SKOR1: variants seen among roughly 807,000 people sequenced by gnomAD.
The protein encoded by SKOR1 is LBX1 corepressor 1.
Under a neutral mutation model 72.4 loss-of-function variants are expected in SKOR1, and 38 were observed. That is an observed-to-expected ratio of 0.52 (90% CI 0.40 to 0.69). SKOR1 has a LOEUF of 0.69. Ranked by LOEUF, SKOR1 falls within the 30% of genes least tolerant of loss-of-function variation. The pLI, the probability that SKOR1 is intolerant of heterozygous loss-of-function variation, is 0.00. For missense variants in SKOR1, 1,320 were observed against 1,343.2 expected, an observed-to-expected ratio of 0.98 and a Z score of 0.27; for synonymous variants, 642 against 599.4, an observed-to-expected ratio of 1.07 and a Z score of -1.04.
Position 67,833,965 on chromosome 15 carries a change from C to T in SKOR1, c.*129C>T. On this transcript the variant is annotated 3_prime_UTR_variant, in exon 9 of 9. Coordinates refer to ENST00000380035, the MANE Select transcript of SKOR1 (RefSeq NM_001365915.1). The surrounding 1 kb of genome is among the most constrained non-coding windows in gnomAD (Gnocchi z 6.0). ...GATGTAAATACAGCCGCCCGTCCGCCCGCCTTCCTCCCGGGCTCCCCGGCC... is the reference window on the plus strand; with the variant it reads ...GATGTAAATACAGCCGCCCGTCCGCTCGCCTTCCTCCCGGGCTCCCCGGCC... The T allele has an allele frequency of 1.2e-5, 12 of 1,025,930 alleles. No homozygotes were observed. Among genetic ancestry groups the T allele is most frequent in the Non-Finnish European group, 1.8e-5 (12 of 680,704 alleles). 63.6% of individuals were successfully genotyped at this position (1,025,930 alleles called of 1,614,324 possible).
In SKOR1 at chr15:67,826,452, C is replaced by T. The variant is rs1566975534; in HGVS notation, c.624C>T (p.Ile208=). ...ACAACAGCTCTCGTGCCAAGTGCAT[C>T]AAGTGCGGCTACTGCAGCATGTACT... ...ARYNSSRAKC[I]KCGYCSMYFS... Residue 208 remains isoleucine (I), a synonymous_variant, in exon 2 of 9, where the codon ATC becomes ATT. Transcript: ENST00000380035. 1 of 1,614,154 alleles carries T rather than the reference C, an allele frequency of 6.2e-7. No individual in the cohort carries two copies. The highest frequency in any genetic ancestry group is 2.2e-5 in the East Asian group (1 of 44,884).
rs747459363 is a variant in SKOR1 at position 67,827,719 on chromosome 15, G to T, written c.1891G>T (p.Gly631Cys). Residue 631 changes from glycine (G) to cysteine (C), a missense_variant, in exon 2 of 9, where the codon GGC (glycine) becomes TGC (cysteine). Gly to Cys is a radical substitution (Grantham distance 159). Around this residue, in one of 3 missense-constraint regions of SKOR1, gnomAD observed 1,099 missense variants for 1,025.5 expected, o/e 1.07. Coordinates refer to ENST00000380035, the MANE Select transcript of SKOR1 (RefSeq NM_001365915.1). ...GGGGCCGGGACCCGGCGCTGGGAGC[G>T]GCGGCTACGTGAGCCCGGACTTTCT... ...ARGPGPGAGS[G>C]GYVSPDFLSE... 3 of 1,543,240 alleles carry T rather than the reference G, an allele frequency of 1.9e-6. No homozygotes were observed. Among genetic ancestry groups the T allele is most frequent in the Non-Finnish European group, 2.6e-6 (3 of 1,143,682 alleles).
chr15:67,829,087 G>C (rs927793672), intron 2 of SKOR1, 92 bp from the exon 3 acceptor site: 10 of 1,211,024 alleles, frequency 8.3e-6, no homozygotes, highest in Non-Finnish European at 1.1e-5. Flanking sequence ...CCACTCCGTC[G>C]GCTTTCCCTC....
In SKOR1 at chr15:67,826,026, C is replaced by A; in HGVS notation, c.198C>A (p.Tyr66Ter). The change falls in exon 2 of 9, where the codon TAC (tyrosine) becomes TAA (stop). Residue 66 changes from tyrosine (Y) to a stop codon, truncating the protein, a stop_gained. Coordinates refer to ENST00000380035, the MANE Select transcript of SKOR1 (RefSeq NM_001365915.1). LOFTEE classifies it high-confidence loss of function. ...ACTCCAAGCAGGAGCTGCAGCCGTA[C>A]TCGGGCTCCAGCGCTCTCAAACCCA... ...SPNSKQELQP[Y>*]SGSSALKPNQ... 6.4e-7 allele frequency: 1 copy of A among 1,565,160 alleles called. No individual in the cohort carries two copies. The highest frequency in any genetic ancestry group is 8.7e-7 in the Non-Finnish European group (1 of 1,151,826).
In SKOR1 at chr15:67,825,801, G is replaced by A; in HGVS notation, c.107+92G>A. 2 of 1,501,184 alleles carry A rather than the reference G, an allele frequency of 1.3e-6. No homozygotes were observed. The highest frequency in any genetic ancestry group is 3.7e-5 in the Admixed American group (2 of 53,458). 93.0% of individuals were successfully genotyped at this position (1,501,184 alleles called of 1,614,324 possible). On this transcript the variant is annotated intron_variant, in intron 1 of 8. Coordinates refer to ENST00000380035, the MANE Select transcript of SKOR1 (RefSeq NM_001365915.1). The surrounding 1 kb of genome is among the most constrained non-coding windows in gnomAD (Gnocchi z 5.6). ...GAGTAACAAAAGACGCCTGTCCAGG[G>A]GGTGAATGAGTTTGGACTCCCCACT...
In SKOR1 at chr15:67,833,171, GCCCCTCC is replaced by G. The variant is rs1313466658; in HGVS notation, c.2738-18_2738-12del. The G allele has an allele frequency of 1.2e-6, 2 of 1,613,872 alleles. No homozygotes were observed. Among genetic ancestry groups the G allele is most frequent in the South Asian group, 2.2e-5 (2 of 91,056 alleles). ...GAGGGTGGTCTGCGTTTCCTCACTG[GCCCCTCC>G]CCTTGTCTTCCAGATACCCTGTGTA... On this transcript the variant is annotated splice_polypyrimidine_tract_variant and intron_variant, in intron 7 of 8. Coordinates refer to ENST00000380035, the MANE Select transcript of SKOR1 (RefSeq NM_001365915.1). The surrounding 1 kb of genome is among the most constrained non-coding windows in gnomAD (Gnocchi z 6.0).
intron 2 of SKOR1, 94 bp downstream of exon 2, chr15:67,828,238 C>G: frequency 2.9e-6 from 4 of 1,357,406 alleles, no homozygotes; most frequent in Non-Finnish European, 2.8e-6. Context: ...AATTTTGTTC[C>G]GCGCAGGCGT....
rs1212802732 is a variant in SKOR1 at position 67,828,173 on chromosome 15, C to T, written c.2316+29C>T. 2.9e-5 allele frequency: 41 copies of T among 1,417,726 alleles called. No individual in the cohort carries two copies. The East Asian group carries it at 1.1e-3, about 40-fold the overall frequency. 87.8% of individuals were successfully genotyped at this position (1,417,726 alleles called of 1,614,324 possible). On this transcript the variant is annotated intron_variant, in intron 2 of 8. Coordinates refer to ENST00000380035, the MANE Select transcript of SKOR1 (RefSeq NM_001365915.1). The stretch of plus-strand genomic sequence containing the variant: ...AGCCCCGCGCCCGCCCCGCCAGTGG[C>T]GCCTTCCCACCTACCCTGTGCGCGG...
intron 4 of SKOR1, 102 bp downstream of exon 4, chr15:67,830,400 G>A (rs916706221): frequency 6.3e-6 from 6 of 954,852 alleles, no homozygotes; most frequent in Non-Finnish European, 9.7e-6. Flanking sequence ...TTAATCAAGT[G>A]TAAGCGGCTG....
intron 5 of SKOR1, among the ~76,000 whole-genome samples, chr15:67,831,230 G>A (rs2091006022): frequency 6.6e-6 from 1 of 152,218 alleles, no homozygotes; most frequent in East Asian, 1.9e-4. Context: ...CAATCAGACA[G>A]GACAGTCTGG....
rs767694741 is a variant in SKOR1, at chr15:67,830,304, C to A, written c.2515+6C>A. On this transcript the variant is annotated splice_donor_region_variant and intron_variant, in intron 4 of 8. Coordinates refer to ENST00000380035, the MANE Select transcript of SKOR1 (RefSeq NM_001365915.1). ...TCCTGCAAATACAGACAGAGGTGAG[C>A]CAGCCCTTGAACCCATCGCTCTCCA... is the stretch of plus-strand genomic sequence containing the variant. The A allele has an allele frequency of 1.2e-6, 2 of 1,613,322 alleles. No individual in the cohort carries two copies. The highest frequency in any genetic ancestry group is 1.7e-6 in the Non-Finnish European group (2 of 1,179,324).
chr15:67,827,473 G>A lies in SKOR1; in HGVS notation c.1645G>A (p.Ala549Thr), dbSNP rs1193478652. 1 of 1,521,050 alleles carries A rather than the reference G, an allele frequency of 6.6e-7. No homozygotes were observed. The highest frequency in any genetic ancestry group is 1.2e-5 in the South Asian group (1 of 82,770). The allele number at this position is 1,521,050 out of a possible 1,614,324, so 94.2% of individuals were successfully genotyped here. ...GCCAGCCAAAGAGAGTGGCCTCGGC[G>A]CGGAGGAGCGCTGCCCGAGCGCTCT... ...AEPAKESGLG[A>T]EERCPSALSR... Residue 549 changes from alanine to threonine, a missense_variant, in exon 2 of 9, where the codon GCG becomes ACG. Transcript: ENST00000380035.
chr15:67,830,257 A>C lies in SKOR1; in HGVS notation c.2474A>C (p.Gln825Pro), dbSNP rs1347687499. 1 of 1,614,050 alleles carries C rather than the reference A, an allele frequency of 6.2e-7. No individual in the cohort carries two copies. The highest frequency in any genetic ancestry group is 1.3e-5 in the African/African-American group (1 of 74,940). ...DLETRKSYPD[Q>P]RSISQPSPAN... ...GAAACGAGGAAATCCTATCCAGACC[A>C]AAGGAGTATCTCCCAGCCAAGTCCT... The change falls in exon 4 of 9, where the codon CAA becomes CCA. Residue 825 changes from glutamine to proline, a missense_variant. Around this residue, in one of 3 missense-constraint regions of SKOR1, gnomAD observed 1,099 missense variants for 1,025.5 expected, o/e 1.07. Transcript: ENST00000380035.
At position 67,833,642 on chromosome 15, in the gene SKOR1, C is replaced by T. The variant is rs1446403268; in HGVS notation, c.2804-100C>T. 3 of 1,257,798 alleles carry T rather than the reference C, an allele frequency of 2.4e-6. No homozygotes were observed. Among genetic ancestry groups the T allele is most frequent in the African/African-American group, 2.9e-5 (2 of 68,074 alleles). The allele number at this position is 1,257,798 out of a possible 1,614,324, so 77.9% of individuals were successfully genotyped here. A position where few individuals can be genotyped will look rare whatever the true frequency, so the allele number is the denominator to read the frequency against. On this transcript the variant is annotated intron_variant, in intron 8 of 8. Transcript: ENST00000380035. This position sits in a 1 kb window ranked among gnomAD's most constrained non-coding sequence, Gnocchi z 6.0. ...GATCCGCTCGGTTGAGATTCCCTGA[C>T]CCCAAAGGGTTGGTAAGGCCGGGGA...
At position 67,833,972 on chromosome 15, in the gene SKOR1, C is replaced by A; in HGVS notation, c.*136C>A. 2.0e-6 allele frequency: 2 copies of A among 983,580 alleles called. No individual in the cohort carries two copies. Among genetic ancestry groups the A allele is most frequent in the Non-Finnish European group, 3.1e-6 (2 of 644,198 alleles). 60.9% of individuals were successfully genotyped at this position (983,580 alleles called of 1,614,324 possible). A position where few individuals can be genotyped will look rare whatever the true frequency, so the allele number is the denominator to read the frequency against. ...ATACAGCCGCCCGTCCGCCCGCCTT[C>A]CTCCCGGGCTCCCCGGCCTTGCCCG... On this transcript the variant is annotated 3_prime_UTR_variant, in exon 9 of 9. Transcript: ENST00000380035. This position sits in a 1 kb window ranked among gnomAD's most constrained non-coding sequence, Gnocchi z 6.0.
intron 3 of SKOR1, among the ~76,000 whole-genome samples, chr15:67,829,858 C>T (rs975754283): frequency 2.0e-5 from 3 of 152,244 alleles, no homozygotes. Context: ...CAGCAGGAGT[C>T]GGGCGGACAG....
intron 5 of SKOR1, 90 bp downstream of exon 5, chr15:67,830,979 T>A (rs1056778636): frequency 5.1e-6 from 7 of 1,359,400 alleles, no homozygotes; most frequent in Non-Finnish European, 7.4e-6. Context: ...AGGGGGTGAG[T>A]GTGGAAAAGA....
rs967762908 is a variant in SKOR1, at chr15:67,832,531, G to C, written c.2663-76G>C. The C allele has an allele frequency of 9.1e-6, 13 of 1,432,424 alleles. No homozygotes were observed. Among genetic ancestry groups the C allele is most frequent in the Admixed American group, 5.1e-5 (3 of 58,552 alleles). The allele number at this position is 1,432,424 out of a possible 1,614,324, so 88.7% of individuals were successfully genotyped here. ...TGGGAGTTGGGGGTAGGGGTGAAAG[G>C]GGGGGCCAGGAGTGAGAAAGTGGAG... On this transcript the variant is annotated intron_variant, in intron 6 of 8. Transcript: ENST00000380035. This position sits in a 1 kb window ranked among gnomAD's most constrained non-coding sequence, Gnocchi z 4.5.
In SKOR1 at chr15:67,832,808, T is replaced by C; in HGVS notation, c.2737+127T>C. ...ATTTAACAATTATTTTTTTATTTAA[T>C]ATGCTTTGTATACTCTGATTAGCCT... On this transcript the variant is annotated intron_variant, in intron 7 of 8. Coordinates refer to ENST00000380035, the MANE Select transcript of SKOR1 (RefSeq NM_001365915.1). This position sits in a 1 kb window ranked among gnomAD's most constrained non-coding sequence, Gnocchi z 4.5. 3.9e-6 allele frequency: 3 copies of C among 766,846 alleles called. No homozygotes were observed. Among genetic ancestry groups the C allele is most frequent in the Non-Finnish European group, 6.4e-6 (3 of 467,946 alleles). The allele number at this position is 766,846 out of a possible 1,614,324, so 47.5% of individuals were successfully genotyped here.
Sources: allele counts gnomAD v4.1 joint callset (sites outside exome capture counted in the v4.1 genomes callset), GRCh38; gene constraint gnomAD v4.1.1; regional missense constraint gnomAD v4.1.1; non-coding constraint Gnocchi (gnomAD v3.1); transcripts MANE v1.5; gene names NCBI Gene and HGNC (gene_info 2026-07-23, HGNC 2026-07-21).